The following MAP2K1 variants were observed in gnomAD, a reference collection of about 807,000 sequenced individuals.
MAP2K1 encodes the protein mitogen-activated protein kinase kinase 1.
In MAP2K1, 16 loss-of-function variants were observed where a neutral mutation model predicts 46.3. The observed-to-expected ratio is 0.35, with a 90% CI of 0.23 to 0.52. MAP2K1 has a LOEUF of 0.52. MAP2K1 is among the 20% of genes least tolerant of loss of function. MAP2K1 has a pLI of 0.94. For missense variants in MAP2K1, 263 were observed against 497.1 expected, an observed-to-expected ratio of 0.53 and a Z score of 4.48; for synonymous variants, 183 against 185.6, an observed-to-expected ratio of 0.99 and a Z score of 0.11.
chr15:66,443,412 C>T (rs987807830), intron 4 of MAP2K1, 55 bp downstream of exon 4: 95 of 1,081,132 alleles, frequency 8.8e-5, no homozygotes, highest in Non-Finnish European at 1.2e-4. Context: ...GTTAATGAGT[C>T]GGTAAGAAAT....
chr15:66,446,086 G>C (rs574244137), intron 5 of MAP2K1, among the ~76,000 whole-genome samples: 1 of 152,042 alleles, frequency 6.6e-6, no homozygotes, highest in African/African-American at 2.4e-5. Flanking sequence ...TTAGCCGGGC[G>C]TGGTGGCGGG....
chr15:66,403,286 C>T (rs189553993), intron 1 of MAP2K1, among the ~76,000 whole-genome samples: 1 of 152,206 alleles, frequency 6.6e-6, no homozygotes, highest in East Asian at 1.9e-4. Context: ...AAATTATTTT[C>T]AAGTAATTAT....
intron 6 of MAP2K1, among the ~76,000 whole-genome samples, chr15:66,484,087 G>A (rs1367793307): frequency 6.6e-6 from 1 of 151,596 alleles, no homozygotes. Flanking sequence ...GTAATCCTAA[G>A]TAGAGTTTTC....
At chr15:66,457,170 G>A (rs943077967) in intron 5 of MAP2K1, among the ~76,000 whole-genome samples, 11 of 152,232 alleles carry the variant, frequency 7.2e-5, no homozygotes, top group Non-Finnish European at 1.6e-4. Context: ...CCAGGCTGGA[G>A]TGCAGTGGCG....
chr15:66,448,968 C>A (rs900306071), intron 5 of MAP2K1, among the ~76,000 whole-genome samples: 1 of 127,828 alleles, frequency 7.8e-6, no homozygotes, highest in Non-Finnish European at 1.6e-5. Flanking sequence ...TGCGCCACTG[C>A]ACTCTAGCCC....
chr15:66,432,461 CT>C (rs1380144926), intron 1 of MAP2K1, among the ~76,000 whole-genome samples: 2 of 152,154 alleles, frequency 1.3e-5, no homozygotes. Flanking sequence ...TTCCCTTTTC[CT>C]TTGCAAATTG....
intron 5 of MAP2K1, among the ~76,000 whole-genome samples, chr15:66,477,589 C>T (rs1892782934): frequency 6.6e-6 from 1 of 152,224 alleles, no homozygotes; most frequent in Non-Finnish European, 1.5e-5. Flanking sequence ...GTGACTTGCT[C>T]ACGGCTGCAT....
intron 6 of MAP2K1, among the ~76,000 whole-genome samples, chr15:66,482,724 G>A (rs1477806323): frequency 3.9e-5 from 6 of 152,192 alleles, no homozygotes; most frequent in Admixed American, 3.3e-4. Context: ...CTTGGCAAGT[G>A]GGTAGATGTT....
chr15:66,416,057 C>G (rs1028706900), intron 1 of MAP2K1, among the ~76,000 whole-genome samples: 17 of 152,294 alleles, frequency 1.1e-4, no homozygotes, highest in Admixed American at 9.2e-4. Flanking sequence ...TGGTCTAGCT[C>G]AGTTTACCTG....
chr15:66,424,570 A>G (rs1171172201), intron 1 of MAP2K1, among the ~76,000 whole-genome samples: 5 of 152,104 alleles, frequency 3.3e-5, no homozygotes, highest in African/African-American at 1.2e-4. Context: ...ATGGGTTTTT[A>G]TCTTGCACTT....
rs1277256230 is a variant in MAP2K1 at position 66,419,117 on chromosome 15, C to T, written c.81-15910C>T. ...AAGTAGCTGGGATTACAGGCGTGCA[C>T]CACCATGCCTGGCTTCTTTTTTGTC... On this transcript the variant is annotated intron_variant, in intron 1 of 10. Coordinates refer to ENST00000307102, the MANE Select transcript of MAP2K1 (RefSeq NM_002755.4). 2.0e-5 allele frequency among the ~76,000 whole-genome samples: 3 copies of T among 151,700 alleles called. No homozygotes were observed. In the South Asian group the frequency reaches 6.3e-4, roughly 32 times the overall value.
At position 66,490,711 on chromosome 15, in the gene MAP2K1, A is replaced by G. The variant is rs757367010; in HGVS notation, c.*96A>G. 90 of 854,976 alleles carry G rather than the reference A, an allele frequency of 1.1e-4. No individual in the cohort carries two copies. The highest frequency in any genetic ancestry group is 1.8e-4 in the Non-Finnish European group (88 of 495,592). 53.0% of individuals were successfully genotyped at this position (854,976 alleles called of 1,614,324 possible). On this transcript the variant is annotated 3_prime_UTR_variant, in exon 11 of 11. Coordinates refer to ENST00000307102, the MANE Select transcript of MAP2K1 (RefSeq NM_002755.4). ...CATGCCTGTCTCTGTTCAGATGTGC[A>G]TTTCACCTGTGACAAAGGATGAAGA...
chr15:66,408,855 C>A (rs1330302983), intron 1 of MAP2K1, among the ~76,000 whole-genome samples: 1 of 152,146 alleles, frequency 6.6e-6, no homozygotes, highest in African/African-American at 2.4e-5. Context: ...TCCTCCACCC[C>A]ATCTGGGCAG....
intron 1 of MAP2K1, among the ~76,000 whole-genome samples, chr15:66,425,828 AG>A (rs890663621): frequency 2.0e-5 from 3 of 152,168 alleles, no homozygotes; most frequent in African/African-American, 7.2e-5. Context: ...CACACCTTGC[AG>A]GGGGGAAGAA....
intron 1 of MAP2K1, among the ~76,000 whole-genome samples, chr15:66,413,911 C>T (rs374322907): frequency 3.0e-4 from 33 of 111,498 alleles, no homozygotes; most frequent in East Asian, 5.1e-4. Context: ...TCTTCTTCTT[C>T]TTTTTTTTTT....
At chr15:66,421,715 A>T (rs546489055) in intron 1 of MAP2K1, among the ~76,000 whole-genome samples, 18 of 151,272 alleles carry the variant, frequency 1.2e-4, no homozygotes, top group African/African-American at 4.1e-4. Flanking sequence ...TGGGAGGAAC[A>T]CTTGAACCAG....
intron 1 of MAP2K1, among the ~76,000 whole-genome samples, chr15:66,407,339 A>G (rs1159987774): frequency 1.3e-5 from 2 of 151,990 alleles, no homozygotes; most frequent in Non-Finnish European, 2.9e-5. Flanking sequence ...ATTTGACTCC[A>G]GAGACTAACC....
intron 1 of MAP2K1, among the ~76,000 whole-genome samples, chr15:66,433,856 A>T (rs147120073): frequency 1.7e-4 from 26 of 152,228 alleles, no homozygotes; most frequent in Non-Finnish European, 3.1e-4. Context: ...CACAGTGGAA[A>T]CTCTTACCAC....
At chr15:66,467,413 A>G (rs553245520) in intron 5 of MAP2K1, among the ~76,000 whole-genome samples, 1 of 152,198 alleles carries the variant, frequency 6.6e-6, no homozygotes, top group African/African-American at 2.4e-5. Flanking sequence ...AACAAAGACG[A>G]TAACAGCCTT....
Sources: allele counts gnomAD v4.1 joint callset (sites outside exome capture counted in the v4.1 genomes callset), GRCh38; gene constraint gnomAD v4.1.1; transcripts MANE v1.5; gene names NCBI Gene and HGNC (gene_info 2026-07-23, HGNC 2026-07-21).